Variants in CLEC2A observed in about 807,000 individuals in gnomAD.
CLEC2A encodes the protein C-type lectin domain family 2 member A.
CLEC2A carries 19 observed loss-of-function variants against 18.6 expected under a neutral mutation model. The ratio of observed to expected loss-of-function variants is 1.02; its 90% CI spans 0.71 to 1.50. The LOEUF is 1.50. Ranked by LOEUF, CLEC2A falls within the 40% of genes most tolerant of loss-of-function variation. The pLI, the probability that CLEC2A is intolerant of heterozygous loss-of-function variation, is 0.00. For missense variants in CLEC2A, 190 were observed against 207.9 expected (o/e 0.91, Z 0.53); for synonymous variants, 74 against 64.0 (o/e 1.16, Z -0.75).
intron 1 of CLEC2A, among the ~76,000 whole-genome samples, chr12:9,930,320 C>A (rs975225514): frequency 6.6e-6 from 1 of 152,056 alleles, no homozygotes; most frequent in African/African-American, 2.4e-5. Flanking sequence ...GGGGTTAGAG[C>A]CTCAATATAT....
At chr12:9,904,928 G>C (rs1054728656) in intron 4 of CLEC2A, among the ~76,000 whole-genome samples, 4 of 152,090 alleles carry the variant, frequency 2.6e-5, no homozygotes, top group African/African-American at 7.2e-5. Flanking sequence ...ACTTTTTAAG[G>C]CTCCATACTT....
chr12:9,926,860 G>C (rs1355680793), intron 1 of CLEC2A, among the ~76,000 whole-genome samples: 1 of 152,148 alleles, frequency 6.6e-6, no homozygotes, highest in Non-Finnish European at 1.5e-5. Context: ...GATAAAAGCA[G>C]TAATTTATTT....
chr12:9,903,404 G>A (rs1862863721), intron 4 of CLEC2A, among the ~76,000 whole-genome samples: 1 of 152,100 alleles, frequency 6.6e-6, no homozygotes, highest in African/African-American at 2.4e-5. Flanking sequence ...TAAGGATTGA[G>A]GACATAAGTC....
downstream of CLEC2A, among the ~76,000 whole-genome samples, chr12:9,912,999 G>T (rs1417130049): frequency 1.3e-5 from 2 of 152,102 alleles, no homozygotes; most frequent in Admixed American, 6.5e-5. Flanking sequence ...AATGCAACAA[G>T]GCAGCTTTGA....
chr12:9,889,650 G>A, the CLEC2A span, among the ~76,000 whole-genome samples: 2 of 140,440 alleles, frequency 1.4e-5, no homozygotes, highest in East Asian at 2.3e-4. Flanking sequence ...ATATATATGT[G>A]TGTGTGTGTG....
chr12:9,902,502 G>A (rs1421384575), intron 4 of CLEC2A, among the ~76,000 whole-genome samples: 1 of 151,902 alleles, frequency 6.6e-6, no homozygotes, highest in Non-Finnish European at 1.5e-5. Context: ...CAAAGTGCTG[G>A]GATTATAGAT....
downstream of CLEC2A, among the ~76,000 whole-genome samples, chr12:9,894,056 CTT>C (rs1289010432): frequency 3.3e-5 from 5 of 151,524 alleles, no homozygotes; most frequent in South Asian, 2.1e-4. Flanking sequence ...CTTTCTTTCT[CTT>C]TCTCTTTTTT....
chr12:9,931,801 T>C (rs1029214101), intron 1 of CLEC2A, among the ~76,000 whole-genome samples: 5 of 152,338 alleles, frequency 3.3e-5, no homozygotes, highest in Admixed American at 2.6e-4. Context: ...AGGGTGTTTG[T>C]ATGTGTACCT....
At chr12:9,901,013 T>C (rs1862819210) in intron 4 of CLEC2A, among the ~76,000 whole-genome samples, 1 of 152,164 alleles carries the variant, frequency 6.6e-6, no homozygotes, top group South Asian at 2.1e-4. Context: ...CAGGTCTTGA[T>C]TACAGGAGTA....
At chr12:9,890,304 T>C in the CLEC2A span, among the ~76,000 whole-genome samples, 7 of 152,160 alleles carry the variant, frequency 4.6e-5, no homozygotes, top group Middle Eastern at 3.2e-3. Context: ...TTCCCACGAG[T>C]TGGGAGTCAG....
the CLEC2A span, among the ~76,000 whole-genome samples, chr12:9,881,218 G>C: frequency 1.3e-5 from 2 of 151,744 alleles, no homozygotes; most frequent in Non-Finnish European, 2.9e-5. Flanking sequence ...TTTGTTTAGA[G>C]ATTATTTGTT....
chr12:9,878,176 C>G, the CLEC2A span, among the ~76,000 whole-genome samples: 223 of 151,976 alleles, frequency 1.5e-3, 1 homozygote, highest in Admixed American at 0.012. Context: ...GTGGGAAATT[C>G]TAAATTTCAG....
intron 4 of CLEC2A, among the ~76,000 whole-genome samples, chr12:9,914,071 A>T (rs534130342): frequency 1.3e-5 from 2 of 152,344 alleles, no homozygotes; most frequent in African/African-American, 2.4e-5. Flanking sequence ...TCCTGAAATT[A>T]AAAAAATTCA....
intron 3 of CLEC2A, among the ~76,000 whole-genome samples, chr12:9,921,344 T>C (rs932654278): frequency 5.9e-5 from 9 of 152,138 alleles, no homozygotes; most frequent in Admixed American, 4.6e-4. Context: ...ATTCTAGCAC[T>C]TTGGGAGGCT....
intron 4 of CLEC2A, 22 bp downstream of exon 4, chr12:9,916,678 T>C (rs544001808): frequency 1.4e-6 from 2 of 1,381,034 alleles, no homozygotes; most frequent in Middle Eastern, 1.8e-4. Flanking sequence ...ATAAGAACAT[T>C]GCTAATACAT....
rs1272389510 is a variant in CLEC2A at position 9,932,269 on chromosome 12, ACTTAC to A, written c.55+1_55+5del. ...ACTTCCTTCTCATTCACTCTATAAAACTTACCTATCCGATGTATGAAGCCATCAGC... is the reference window on the plus strand; with the variant it reads ...ACTTCCTTCTCATTCACTCTATAAAACTATCCGATGTATGAAGCCATCAGC... On this transcript the variant is annotated splice_donor_variant and splice_donor_5th_base_variant and intron_variant, in intron 1 of 4. Coordinates refer to ENST00000455827, the MANE Select transcript of CLEC2A (RefSeq NM_001130711.2). LOFTEE classifies it high-confidence loss of function. 6.5e-7 allele frequency: 1 copy of A among 1,546,034 alleles called. No homozygotes were observed. The highest frequency in any genetic ancestry group is 8.8e-7 in the Non-Finnish European group (1 of 1,141,912).
chr12:9,894,434 A>T (rs1052001613), downstream of CLEC2A, among the ~76,000 whole-genome samples: 1 of 151,872 alleles, frequency 6.6e-6, no homozygotes, highest in African/African-American at 2.4e-5. Flanking sequence ...CACCCACCTC[A>T]GCCTCCCAAA....
intron 3 of CLEC2A, among the ~76,000 whole-genome samples, chr12:9,919,982 G>T (rs1863139311): frequency 6.6e-6 from 1 of 152,178 alleles, no homozygotes; most frequent in African/African-American, 2.4e-5. Flanking sequence ...TGCCGTGCTG[G>T]GGGACCACTT....
the CLEC2A span, among the ~76,000 whole-genome samples, chr12:9,878,422 C>G: frequency 6.6e-6 from 1 of 151,982 alleles, no homozygotes; most frequent in Non-Finnish European, 1.5e-5. Context: ...TCAGCCCACA[C>G]GGAGTTTGAG....
Sources: gnomAD v4.1 joint callset for allele counts (sites outside exome capture counted in the v4.1 genomes callset) on GRCh38, gnomAD v4.1.1 for gene constraint, MANE v1.5 for transcripts, NCBI Gene and HGNC (gene_info 2026-07-23, HGNC 2026-07-21) for gene names.